Variants in MECOM observed in about 807,000 individuals in gnomAD.
MECOM encodes the protein histone-lysine N-methyltransferase MECOM.
In MECOM, 13 loss-of-function variants were observed where a neutral mutation model predicts 116.3. That is an observed-to-expected ratio of 0.11 (90% CI 0.07 to 0.18). The LOEUF is 0.18. MECOM is among the 10% of genes least tolerant of loss of function. MECOM has a pLI of 1.00. For synonymous variants in MECOM, 528 were observed against 535.2 expected (o/e 0.99, Z 0.19); for missense variants, 1,299 against 1,509.0 (o/e 0.86, Z 2.31).
intron 2 of MECOM, among the ~76,000 whole-genome samples, chr3:169,265,534 T>C (rs1023523722): frequency 3.3e-5 from 5 of 152,210 alleles, no homozygotes; most frequent in Admixed American, 2.0e-4. Flanking sequence ...CATTGGAAGA[T>C]TGAAGTTGAA....
At position 169,089,178 on chromosome 3, in the gene MECOM, T is replaced by C; in HGVS notation, c.3407A>G (p.Lys1136Arg). The change falls in exon 16 of 17, where the codon AAA becomes AGA. Residue 1136 changes from lysine (K) to arginine (R), a missense_variant. Lys to Arg is a conservative substitution (Grantham distance 26). This residue lies in a region of MECOM where 273 missense variants were observed against 289.3 expected (regional missense o/e 0.94). Coordinates refer to ENST00000651503, the MANE Select transcript of MECOM (RefSeq NM_004991.4). ...MSCKTSPVRYKEEEYKSGLSA... is the reference protein window; with the variant it reads ...MSCKTSPVRYREEEYKSGLSA... The stretch of plus-strand genomic sequence containing the variant: ...AAGTCCACTTTTATATTCTTCCTCT[T>C]TATACCTAAAATGAACCAACGAAAA... 6.6e-7 allele frequency: 1 copy of C among 1,519,530 alleles called. No homozygotes were observed. The highest frequency in any genetic ancestry group is 8.8e-7 in the Non-Finnish European group (1 of 1,137,234). The allele number at this position is 1,519,530 out of a possible 1,614,324, so 94.1% of individuals were successfully genotyped here.
At chr3:169,395,644 AAAAC>A (rs766258123) in intron 1 of MECOM, among the ~76,000 whole-genome samples, 118 of 152,330 alleles carry the variant, frequency 7.7e-4, no homozygotes, top group Non-Finnish European at 1.4e-3. Context: ...AAAGGAATAA[AAAAC>A]AAACAAAAAG....
chr3:169,648,648 A>G (rs1346107892), intron 1 of MECOM, among the ~76,000 whole-genome samples: 1 of 152,230 alleles, frequency 6.6e-6, no homozygotes, highest in Non-Finnish European at 1.5e-5. Flanking sequence ...ATGCATACAC[A>G]TAGCTCAGCA....
intron 1 of MECOM, among the ~76,000 whole-genome samples, chr3:169,572,787 A>G (rs563214286): frequency 6.6e-6 from 1 of 151,912 alleles, no homozygotes; most frequent in East Asian, 1.9e-4. Flanking sequence ...ATGAGAACAC[A>G]TGGACACAGG....
chr3:169,262,944 A>G (rs1757734135), intron 2 of MECOM, among the ~76,000 whole-genome samples: 1 of 148,396 alleles, frequency 6.7e-6, no homozygotes, highest in Admixed American at 6.7e-5. Context: ...AACAATCACT[A>G]CTTCAGCTCA....
At chr3:169,564,933 T>C (rs1179473428) in intron 1 of MECOM, among the ~76,000 whole-genome samples, 1 of 152,256 alleles carries the variant, frequency 6.6e-6, no homozygotes, top group Non-Finnish European at 1.5e-5. Flanking sequence ...TAGAAATTCA[T>C]ATTAAAGAGA....
rs563915522 is a variant in MECOM, at chr3:169,093,302, T to A, written c.3020-200A>T. Among the ~76,000 whole-genome samples, 11 of 152,290 alleles carry A rather than the reference T, an allele frequency of 7.2e-5. No homozygotes were observed. In the South Asian group the frequency reaches 2.3e-3, roughly 32 times the overall value. ...CCATGACGGTCCTTTGGGAATATAT[T>A]GAACCACTGAAATCATGAAGTACAG... is the stretch of plus-strand genomic sequence containing the variant. On this transcript the variant is annotated intron_variant, in intron 13 of 16. Transcript: ENST00000651503.
intron 2 of MECOM, among the ~76,000 whole-genome samples, chr3:169,361,503 C>A (rs1385134482): frequency 6.6e-6 from 1 of 151,792 alleles, no homozygotes; most frequent in Non-Finnish European, 1.5e-5. Flanking sequence ...AATCAGTTTG[C>A]TTTGAGGTGC....
At chr3:169,301,769 C>A (rs1382928066) in intron 2 of MECOM, among the ~76,000 whole-genome samples, 3 of 152,142 alleles carry the variant, frequency 2.0e-5, no homozygotes, top group African/African-American at 4.8e-5. Context: ...ATTTATATTA[C>A]TGAGAATAAT....
rs1469889706 is a variant in MECOM at position 169,146,672 on chromosome 3, C to A, written c.376-2840G>T. 3.8e-6 allele frequency: 5 copies of A among 1,329,536 alleles called. No homozygotes were observed. In the Admixed American group the frequency reaches 6.4e-5, roughly 17 times the overall value. The allele number at this position is 1,329,536 out of a possible 1,614,324, so 82.4% of individuals were successfully genotyped here. ...GCAGGAAACTGTCCGAAGTGACAAA[C>A]TTTCACATCGCCCAGACTTTTTTTC... is the stretch of plus-strand genomic sequence containing the variant. On this transcript the variant is annotated intron_variant, in intron 2 of 16. Transcript: ENST00000651503.
intron 1 of MECOM, among the ~76,000 whole-genome samples, chr3:169,398,373 G>A (rs1267612837): frequency 2.0e-5 from 3 of 152,076 alleles, no homozygotes; most frequent in African/African-American, 7.2e-5. Flanking sequence ...TAAAAACCTG[G>A]ATAAAGGGAT....
intron 1 of MECOM, among the ~76,000 whole-genome samples, chr3:169,632,590 G>A (rs1039486783): frequency 6.6e-6 from 1 of 152,194 alleles, no homozygotes; most frequent in African/African-American, 2.4e-5. Flanking sequence ...TACAAGAGGT[G>A]ACAATTTAAA....
chr3:169,509,835 C>A (rs985784623), intron 1 of MECOM, among the ~76,000 whole-genome samples: 6 of 152,150 alleles, frequency 3.9e-5, no homozygotes, highest in Admixed American at 3.9e-4. Context: ...GTAGAGTATC[C>A]GTTTGAGTCT....
intron 2 of MECOM, among the ~76,000 whole-genome samples, chr3:169,283,884 T>G (rs1712707047): frequency 6.6e-6 from 1 of 152,220 alleles, no homozygotes; most frequent in Non-Finnish European, 1.5e-5. Flanking sequence ...ATTTGTGTCA[T>G]GTTATCAAAA....
chr3:169,437,498 TATTC>T (rs1471285191), intron 1 of MECOM, among the ~76,000 whole-genome samples: 3 of 152,220 alleles, frequency 2.0e-5, no homozygotes, highest in African/African-American at 7.2e-5. Context: ...GTTAACATAA[TATTC>T]ACAAAAGCAC....
chr3:169,489,583 T>C (rs1437467754), intron 1 of MECOM, among the ~76,000 whole-genome samples: 2 of 152,284 alleles, frequency 1.3e-5, no homozygotes, highest in Admixed American at 1.3e-4. Flanking sequence ...GGAACAAACC[T>C]GCACATTTGT....
At chr3:169,256,869 C>A (rs938279003) in intron 2 of MECOM, among the ~76,000 whole-genome samples, 1 of 152,136 alleles carries the variant, frequency 6.6e-6, no homozygotes, top group African/African-American at 2.4e-5. Flanking sequence ...CCCAGGGTCC[C>A]AGTCATTGTA....
chr3:169,286,420 C>T lies in MECOM; in HGVS notation c.375+94767G>A, dbSNP rs531041287. 6.6e-5 allele frequency among the ~76,000 whole-genome samples: 10 copies of T among 152,266 alleles called. 1 individual carries two copies. In the East Asian group the frequency reaches 1.5e-3, roughly 24 times the overall value. On this transcript the variant is annotated intron_variant, in intron 2 of 16. Coordinates refer to ENST00000651503, the MANE Select transcript of MECOM (RefSeq NM_004991.4). ...TGCAAAACTTATCCTCGATGCAGAG[C>T]CTGAGTAAGAATAGAATACCTTCCC... is the stretch of plus-strand genomic sequence containing the variant.
At chr3:169,101,937 G>A in intron 11 of MECOM, 123 bp downstream of exon 11, 1 of 836,026 alleles carries the variant, frequency 1.2e-6, no homozygotes, top group African/African-American at 1.7e-5. Context: ...TTGAAGTGCT[G>A]GAGATCTATT....
Sources: allele counts gnomAD v4.1 joint callset (sites outside exome capture counted in the v4.1 genomes callset), GRCh38; gene constraint gnomAD v4.1.1; regional missense constraint gnomAD v4.1.1; transcripts MANE v1.5; gene names NCBI Gene and HGNC (gene_info 2026-07-23, HGNC 2026-07-21).